Variants in PCDH7 observed in about 807,000 individuals in gnomAD.
The protein encoded by PCDH7 is protocadherin-7.
PCDH7 carries 17 observed loss-of-function variants against 58.9 expected under a neutral mutation model. That is an observed-to-expected ratio of 0.29 (90% CI 0.20 to 0.43). PCDH7 has a LOEUF of 0.43. Among genes scored for constraint, PCDH7 ranks in the 20% least tolerant of loss-of-function variants. PCDH7 has a pLI of 1.00. For synonymous variants in PCDH7, 664 were observed against 616.4 expected (o/e 1.08, Z -1.14); for missense variants, 1,274 against 1,441.0 (o/e 0.88, Z 1.88).
intron 1 of PCDH7, among the ~76,000 whole-genome samples, chr4:30,803,736 G>T (rs915388677): frequency 1.3e-5 from 2 of 152,184 alleles, no homozygotes; most frequent in Non-Finnish European, 2.9e-5. Context: ...ACTGTGCATA[G>T]CACATGCAAA....
chr4:31,006,960 A>AT lies in PCDH7; in HGVS notation c.*7+56746dup, dbSNP rs79692158. ...AGAATGGCAGAAAATGATCTATTAC[A>AT]TATAGCTATTTTAACAGCCTACTAT... On this transcript the variant is annotated intron_variant, in intron 3 of 3. Transcript: ENST00000509759. Among the ~76,000 whole-genome samples, 16 of 152,174 alleles carry AT rather than the reference A, an allele frequency of 1.1e-4. No homozygotes were observed. The East Asian group carries it at 2.7e-3, about 26-fold the overall frequency.
intron 3 of PCDH7, among the ~76,000 whole-genome samples, chr4:31,014,359 C>A (rs1234357580): frequency 6.6e-6 from 1 of 152,034 alleles, no homozygotes; most frequent in Non-Finnish European, 1.5e-5. Context: ...AAGTCTTATA[C>A]CCATGTATTT....
intron 3 of PCDH7, among the ~76,000 whole-genome samples, chr4:31,065,899 T>TTATTTTG (rs1758047639): frequency 6.6e-6 from 1 of 151,932 alleles, no homozygotes; most frequent in African/African-American, 2.4e-5. Flanking sequence ...CAATATAATT[T>TTATTTTG]CACTGCGAAA....
intron 2 of PCDH7, among the ~76,000 whole-genome samples, chr4:30,947,867 C>A (rs561354093): frequency 6.6e-6 from 1 of 152,206 alleles, no homozygotes; most frequent in East Asian, 1.9e-4. Context: ...CCTCTGCCTA[C>A]CCTTCCCAAC....
intron 1 of PCDH7, among the ~76,000 whole-genome samples, chr4:30,752,090 G>A (rs958479720): frequency 6.6e-6 from 1 of 151,868 alleles, no homozygotes; most frequent in Non-Finnish European, 1.5e-5. Flanking sequence ...ACTCTTCCAC[G>A]CTTCTTTACT....
chr4:31,063,715 G>C (rs2109241598), intron 3 of PCDH7, among the ~76,000 whole-genome samples: 1 of 151,942 alleles, frequency 6.6e-6, no homozygotes, highest in South Asian at 2.1e-4. Context: ...AATGTATTCA[G>C]TATTTAAATT....
chr4:30,768,553 C>A (rs1454225670), intron 1 of PCDH7, among the ~76,000 whole-genome samples: 1 of 152,156 alleles, frequency 6.6e-6, no homozygotes, highest in African/African-American at 2.4e-5. Context: ...CCTGCTAAAG[C>A]AGGAAATTGG....
chr4:31,028,312 C>T (rs1431878499), intron 3 of PCDH7, among the ~76,000 whole-genome samples: 4 of 152,074 alleles, frequency 2.6e-5, no homozygotes, highest in Non-Finnish European at 5.9e-5. Context: ...CAGTACACCA[C>T]ACTCAAGCTT....
At chr4:30,884,545 T>C (rs1737438620) in intron 1 of PCDH7, 1 of 152,206 alleles carries the variant, frequency 6.6e-6, no homozygotes, top group Non-Finnish European at 1.5e-5. Flanking sequence ...TAAAAGAGCA[T>C]TCGGCTGACT....
intron 3 of PCDH7, among the ~76,000 whole-genome samples, chr4:31,003,833 G>GA (rs371003242): frequency 1.0e-4 from 15 of 149,822 alleles, no homozygotes; most frequent in South Asian, 4.2e-4. Flanking sequence ...GCATGAACCC[G>GA]AAAAAAAAAG....
chr4:31,078,484 CTTT>C (rs999880241), intron 3 of PCDH7, among the ~76,000 whole-genome samples: 1 of 142,860 alleles, frequency 7.0e-6, no homozygotes. Context: ...TTTCTTTTTT[CTTT>C]TTTTTTTTTT....
chr4:30,938,447 A>G (rs1279425723), intron 2 of PCDH7, among the ~76,000 whole-genome samples: 1 of 151,298 alleles, frequency 6.6e-6, no homozygotes, highest in Non-Finnish European at 1.5e-5. Context: ...AGCAAACTTT[A>G]GGATGAACTG....
chr4:30,927,164 T>C (rs1283419629), intron 2 of PCDH7, among the ~76,000 whole-genome samples: 1 of 152,210 alleles, frequency 6.6e-6, no homozygotes, highest in Non-Finnish European at 1.5e-5. Context: ...TCAGCACTTG[T>C]TGATAATACA....
chr4:31,090,129 C>T (rs1022092418), intron 3 of PCDH7, among the ~76,000 whole-genome samples: 2 of 151,950 alleles, frequency 1.3e-5, no homozygotes, highest in East Asian at 1.9e-4. Flanking sequence ...GAATAACCTG[C>T]CAGTTTATAG....
chr4:30,902,719 G>A (rs1422620905), intron 1 of PCDH7, among the ~76,000 whole-genome samples: 2 of 151,910 alleles, frequency 1.3e-5, no homozygotes, highest in East Asian at 3.9e-4. Flanking sequence ...AAGGAAAAAA[G>A]TTTAAAAAAA....
At chr4:30,927,762 T>C (rs1744065330) in intron 2 of PCDH7, among the ~76,000 whole-genome samples, 1 of 151,832 alleles carries the variant, frequency 6.6e-6, no homozygotes, top group African/African-American at 2.4e-5. Flanking sequence ...CAGAGACCTT[T>C]GTTCACTTGT....
In PCDH7 at chr4:30,981,353, G is replaced by T. The variant is rs1455942325; in HGVS notation, c.*7+31138G>T. On this transcript the variant is annotated intron_variant, in intron 3 of 3. Coordinates refer to the PCDH7 transcript ENST00000509759. Reference sequence around the variant, plus strand: ...ACTTGAAGGCTTTATTAAGTTTATTGACAGTAGATTATTGTTGGGAACCAT... The same window carrying T: ...ACTTGAAGGCTTTATTAAGTTTATTTACAGTAGATTATTGTTGGGAACCAT... Among the ~76,000 whole-genome samples the T allele has an allele frequency of 2.6e-5, 4 of 152,096 alleles. No individual in the cohort carries two copies. The East Asian group carries it at 7.7e-4, about 29-fold the overall frequency.
chr4:30,861,972 A>C (rs1211166040), intron 1 of PCDH7, among the ~76,000 whole-genome samples: 1 of 152,110 alleles, frequency 6.6e-6, no homozygotes, highest in East Asian at 1.9e-4. Flanking sequence ...GGAAAATATA[A>C]TCCTACTTAG....
At chr4:30,878,909 T>C (rs1474315899) in intron 1 of PCDH7, among the ~76,000 whole-genome samples, 1 of 152,112 alleles carries the variant, frequency 6.6e-6, no homozygotes, top group Non-Finnish European at 1.5e-5. Flanking sequence ...ACTATTTTCA[T>C]GTGTTTTCTT....
Sources: gnomAD v4.1 joint callset for allele counts (sites outside exome capture counted in the v4.1 genomes callset) on GRCh38, gnomAD v4.1.1 for gene constraint, MANE v1.5 for transcripts, NCBI Gene and HGNC (gene_info 2026-07-23, HGNC 2026-07-21) for gene names.